Variants in ASPH observed in about 807,000 individuals in gnomAD.
ASPH encodes aspartyl/asparaginyl beta-hydroxylase.
In ASPH, 100 loss-of-function variants were observed where a neutral mutation model predicts 118.4. The observed-to-expected ratio is 0.84, with a 90% CI of 0.72 to 1.00. The LOEUF is 1.00. Among genes scored for constraint, ASPH ranks in the 50% least tolerant of loss-of-function variants. ASPH has a pLI of 0.00. For missense variants in ASPH, 920 were observed against 919.5 expected, an observed-to-expected ratio of 1.00 and a Z score of -0.01; for synonymous variants, 315 against 325.6, an observed-to-expected ratio of 0.97 and a Z score of 0.35.
chr8:61,590,908 T>C (rs889738676), intron 14 of ASPH, among the ~76,000 whole-genome samples: 2 of 152,154 alleles, frequency 1.3e-5, no homozygotes, highest in Admixed American at 6.5e-5. Context: ...GTTTAAGGCA[T>C]CTTTAGGCAG....
At chr8:61,554,126 T>C (rs1339589473) in intron 19 of ASPH, among the ~76,000 whole-genome samples, 1 of 152,068 alleles carries the variant, frequency 6.6e-6, no homozygotes, top group African/African-American at 2.4e-5. Flanking sequence ...TCAAAGGAAA[T>C]GTAAGGAGAC....
chr8:61,603,635 A>T (rs1844750968), intron 14 of ASPH, among the ~76,000 whole-genome samples: 1 of 152,224 alleles, frequency 6.6e-6, no homozygotes, highest in Non-Finnish European at 1.5e-5. Flanking sequence ...CCATTTTGAC[A>T]CGTATTTATT....
At chr8:61,667,708 T>C (rs527621432) in intron 3 of ASPH, among the ~76,000 whole-genome samples, 1 of 152,226 alleles carries the variant, frequency 6.6e-6, no homozygotes, top group Non-Finnish European at 1.5e-5. Context: ...GTAAATTCTA[T>C]GTCAATGTAA....
intron 14 of ASPH, among the ~76,000 whole-genome samples, chr8:61,616,777 C>A (rs1214390354): frequency 6.6e-6 from 1 of 152,212 alleles, no homozygotes; most frequent in Non-Finnish European, 1.5e-5. Flanking sequence ...ACCACCCCTT[C>A]TGCCTACGGC....
chr8:61,653,076 G>A (rs1234506746), intron 4 of ASPH, among the ~76,000 whole-genome samples: 2 of 152,190 alleles, frequency 1.3e-5, no homozygotes, highest in African/African-American at 4.8e-5. Flanking sequence ...CTACAGAGAT[G>A]CTTGATTTAT....
intron 21 of ASPH, among the ~76,000 whole-genome samples, chr8:61,531,441 A>G (rs1817509838): frequency 6.6e-6 from 1 of 152,114 alleles, no homozygotes; most frequent in African/African-American, 2.4e-5. Context: ...AAGTGTCTCA[A>G]GCTCTTATAC....
intron 16 of ASPH, among the ~76,000 whole-genome samples, chr8:61,576,389 T>C (rs144840778): frequency 3.7e-4 from 57 of 152,314 alleles, no homozygotes; most frequent in Middle Eastern, 6.8e-3. Flanking sequence ...CACTTTATAT[T>C]TTAGAAAGGT....
rs1233245235 is a variant in ASPH at position 61,526,022 on chromosome 8, G to A, written c.1855C>T (p.Leu619=). ...KGLFLPEDEN[L]REKGDWSQFT... ...TGGCTCCAGTCCCCTTTTTCCCTCAGGTTTTCATCCTCAGGCAGGAAGAGA... is the reference window on the plus strand; with the variant it reads ...TGGCTCCAGTCCCCTTTTTCCCTCAAGTTTTCATCCTCAGGCAGGAAGAGA... Residue 619 remains leucine (L), a synonymous_variant, in exon 22 of 25, where the codon CTG becomes TTG. Transcript: ENST00000379454. 2 of 1,613,942 alleles carry A rather than the reference G, an allele frequency of 1.2e-6. No individual in the cohort carries two copies. Among genetic ancestry groups the A allele is most frequent in the South Asian group, 2.2e-5 (2 of 91,072 alleles).
intron 24 of ASPH, among the ~76,000 whole-genome samples, chr8:61,506,605 A>G (rs1002318819): frequency 2.0e-5 from 3 of 152,150 alleles, no homozygotes; most frequent in Non-Finnish European, 4.4e-5. Flanking sequence ...AATCCTCTTG[A>G]CCTTGGCATT....
In ASPH at chr8:61,692,509, T is replaced by G. The variant is rs546203774; in HGVS notation, c.104-8321A>C. On this transcript the variant is annotated intron_variant, in intron 1 of 24. Transcript: ENST00000379454. ...ACTTCCAACGTGTGTTCTGAGACCA[T>G]TAGTATCAGCCTAATGCCACTCGCA... Among the ~76,000 whole-genome samples, 9 of 152,252 alleles carry G rather than the reference T, an allele frequency of 5.9e-5. 1 individual carries two copies. The highest frequency in any genetic ancestry group is 2.1e-4 in the South Asian group (1 of 4,824).
At chr8:61,569,933 G>T (rs921273100) in intron 16 of ASPH, among the ~76,000 whole-genome samples, 1 of 152,112 alleles carries the variant, frequency 6.6e-6, no homozygotes, top group African/African-American at 2.4e-5. Context: ...AGCTCCTTGT[G>T]AGTTTTGTTA....
intron 15 of ASPH, among the ~76,000 whole-genome samples, chr8:61,581,434 C>T (rs1000969288): frequency 2.6e-5 from 4 of 152,222 alleles, no homozygotes; most frequent in African/African-American, 9.6e-5. Context: ...ACTGTGTTGA[C>T]ATGAGGCCAA....
chr8:61,613,052 T>C (rs1420020595), intron 14 of ASPH, among the ~76,000 whole-genome samples: 1 of 152,346 alleles, frequency 6.6e-6, no homozygotes, highest in Non-Finnish European at 1.5e-5. Context: ...GCACCCACTA[T>C]CTATGGTTAA....
chr8:61,682,467 G>C, intron 2 of ASPH: 1 of 1,612,716 alleles, frequency 6.2e-7, no homozygotes, highest in East Asian at 2.2e-5. Context: ...AGTTATAACG[G>C]AAGTCCTTTG....
chr8:61,654,097 TACTTGAAAAACAGTTAAAA>T (rs1812432958), intron 3 of ASPH, among the ~76,000 whole-genome samples: 1 of 152,220 alleles, frequency 6.6e-6, no homozygotes, highest in African/African-American at 2.4e-5. Flanking sequence ...TTATTTATTC[TACTTGAAAAACAGTTAAAA>T]AGAAAAAGAA....
At chr8:61,553,936 T>C (rs1398900013) in intron 19 of ASPH, among the ~76,000 whole-genome samples, 3 of 152,200 alleles carry the variant, frequency 2.0e-5, no homozygotes, top group Non-Finnish European at 4.4e-5. Flanking sequence ...TTACATAATG[T>C]TGGAAATGAG....
At chr8:61,549,667 G>A (rs1053507403) in intron 20 of ASPH, among the ~76,000 whole-genome samples, 12 of 151,994 alleles carry the variant, frequency 7.9e-5, no homozygotes, top group Admixed American at 5.2e-4. Flanking sequence ...TTTGACTATT[G>A]TGGTTATTTT....
intron 20 of ASPH, among the ~76,000 whole-genome samples, chr8:61,551,965 A>T (rs992040178): frequency 1.3e-5 from 2 of 152,224 alleles, no homozygotes; most frequent in African/African-American, 4.8e-5. Context: ...AAAAATTGTC[A>T]ATTATCTGAA....
At chr8:61,537,854 A>G (rs1002180815) in intron 21 of ASPH, among the ~76,000 whole-genome samples, 1 of 152,172 alleles carries the variant, frequency 6.6e-6, no homozygotes, top group African/African-American at 2.4e-5. Flanking sequence ...ATTGACAAAT[A>G]ATAAAAACTC....
Sources: allele counts gnomAD v4.1 joint callset (sites outside exome capture counted in the v4.1 genomes callset), GRCh38; gene constraint gnomAD v4.1.1; transcripts MANE v1.5; gene names NCBI Gene and HGNC (gene_info 2026-07-23, HGNC 2026-07-21).